RALGAPA2: variants seen among roughly 807,000 people sequenced by gnomAD.
The protein encoded by RALGAPA2 is ral GTPase-activating protein subunit alpha-2.
In RALGAPA2, 139 loss-of-function variants were observed where a neutral mutation model predicts 230.4. That is an observed-to-expected ratio of 0.60 (90% CI 0.53 to 0.69). The LOEUF is 0.69. RALGAPA2 is among the 30% of genes least tolerant of loss of function. RALGAPA2 has a pLI of 0.00. For missense variants in RALGAPA2, 2,163 were observed against 2,276.0 expected (o/e 0.95, Z 1.01); for synonymous variants, 847 against 837.8 (o/e 1.01, Z -0.19).
At chr20:20,503,265 C>T (rs892930040) in intron 35 of RALGAPA2, 86 bp downstream of exon 35, 41 of 1,208,608 alleles carry the variant, frequency 3.4e-5, no homozygotes, top group South Asian at 5.0e-5. Flanking sequence ...TCTCAGTGTG[C>T]GTTCTACCCT....
At chr20:20,662,706 G>A (rs2067823831) in intron 3 of RALGAPA2, among the ~76,000 whole-genome samples, 1 of 152,148 alleles carries the variant, frequency 6.6e-6, no homozygotes, top group South Asian at 2.1e-4. Flanking sequence ...GGTACCATGT[G>A]AGGGATCAGA....
At chr20:20,434,859 C>CT (rs774704017) in intron 37 of RALGAPA2, among the ~76,000 whole-genome samples, 4 of 152,140 alleles carry the variant, frequency 2.6e-5, no homozygotes, top group Non-Finnish European at 4.4e-5. Flanking sequence ...TCGCTTGAGC[C>CT]TGGGAGGTCA....
intron 20 of RALGAPA2, among the ~76,000 whole-genome samples, chr20:20,579,215 A>C (rs777744925): frequency 6.6e-6 from 1 of 152,218 alleles, no homozygotes; most frequent in Non-Finnish European, 1.5e-5. Context: ...TTTCTAAAAA[A>C]TTAAAATTTA....
intron 37 of RALGAPA2, among the ~76,000 whole-genome samples, chr20:20,450,047 CATT>C (rs1307933393): frequency 6.6e-6 from 1 of 152,152 alleles, no homozygotes; most frequent in African/African-American, 2.4e-5. Flanking sequence ...TTCTCTTTCT[CATT>C]ATACATGGCC....
chr20:20,598,200 A>G (rs2065520998), intron 16 of RALGAPA2, among the ~76,000 whole-genome samples: 2 of 152,250 alleles, frequency 1.3e-5, no homozygotes, highest in Admixed American at 1.3e-4. Context: ...AAATTTCAAT[A>G]GTATAAATCT....
chr20:20,611,280 C>G, intron 14 of RALGAPA2, 35 bp downstream of exon 14: 3 of 1,561,828 alleles, frequency 1.9e-6, no homozygotes, highest in Non-Finnish European at 2.6e-6. Flanking sequence ...TGATTCATTT[C>G]TTGCATTTGC....
chr20:20,550,552 C>T (rs1296009033), intron 23 of RALGAPA2, among the ~76,000 whole-genome samples: 2 of 152,190 alleles, frequency 1.3e-5, no homozygotes, highest in Non-Finnish European at 2.9e-5. Context: ...ATCCTTTCTA[C>T]TGTGTGATTC....
intron 37 of RALGAPA2, among the ~76,000 whole-genome samples, chr20:20,439,428 G>T (rs1372820950): frequency 6.6e-6 from 1 of 152,068 alleles, no homozygotes; most frequent in Non-Finnish European, 1.5e-5. Flanking sequence ...GCCCAGGCTG[G>T]TCTCGAACTC....
At chr20:20,531,577 C>G in intron 27 of RALGAPA2, 110 bp downstream of exon 27, 1 of 959,666 alleles carries the variant, frequency 1.0e-6, no homozygotes, top group Middle Eastern at 2.9e-4. Flanking sequence ...ATGGGAATCA[C>G]AATCCCTCTG....
chr20:20,539,580 GAATT>G lies in RALGAPA2; in HGVS notation c.3286-2800_3286-2797del, dbSNP rs377239311. Among the ~76,000 whole-genome samples the G allele has an allele frequency of 2.5e-4, 38 of 152,248 alleles. No homozygotes were observed. The South Asian group carries it at 3.9e-3, about 16-fold the overall frequency. ...TATAAAATGATTACCACAAACAAGT[GAATT>G]AATATATCACCTCATATAGTTCCTT... On this transcript the variant is annotated intron_variant, in intron 24 of 39. Transcript: ENST00000202677.
intron 13 of RALGAPA2, 95 bp from the exon 14 acceptor site, chr20:20,611,521 A>G: frequency 6.7e-7 from 1 of 1,494,096 alleles, no homozygotes; most frequent in Non-Finnish European, 8.9e-7. Flanking sequence ...ATTCAGCAAC[A>G]TTGATAATTA....
intron 3 of RALGAPA2, among the ~76,000 whole-genome samples, chr20:20,654,965 T>A (rs903848461): frequency 2.0e-5 from 3 of 152,242 alleles, no homozygotes; most frequent in Non-Finnish European, 4.4e-5. Flanking sequence ...CATCTCATTG[T>A]GATCTTAATT....
chr20:20,539,202 C>A (rs961929499), intron 24 of RALGAPA2, among the ~76,000 whole-genome samples: 1 of 152,038 alleles, frequency 6.6e-6, no homozygotes, highest in African/African-American at 2.4e-5. Flanking sequence ...CATCTTCCTC[C>A]CCCACTGCCT....
chr20:20,465,633 C>CT (rs1490677699), intron 37 of RALGAPA2, among the ~76,000 whole-genome samples: 1 of 152,178 alleles, frequency 6.6e-6, no homozygotes, highest in African/African-American at 2.4e-5. Context: ...AAGGGATGGT[C>CT]TTTTTTCTAA....
chr20:20,445,384 G>C (rs2060837996), intron 37 of RALGAPA2, among the ~76,000 whole-genome samples: 2 of 152,174 alleles, frequency 1.3e-5, no homozygotes, highest in African/African-American at 4.8e-5. Flanking sequence ...AAATATATTG[G>C]TCAGATGTTG....
chr20:20,662,009 T>C (rs1217186082), intron 3 of RALGAPA2, among the ~76,000 whole-genome samples: 2 of 152,194 alleles, frequency 1.3e-5, no homozygotes, highest in Non-Finnish European at 2.9e-5. Flanking sequence ...AAAAACACTT[T>C]TTAAATGGGG....
chr20:20,421,044 TGC>T (rs1351493613), intron 37 of RALGAPA2, among the ~76,000 whole-genome samples: 12 of 152,192 alleles, frequency 7.9e-5, no homozygotes, highest in Admixed American at 1.3e-4. Context: ...AGAAAACATC[TGC>T]AAACCATTTA....
intron 15 of RALGAPA2, among the ~76,000 whole-genome samples, chr20:20,603,186 G>T (rs1198736302): frequency 1.3e-5 from 2 of 152,076 alleles, no homozygotes; most frequent in African/African-American, 2.4e-5. Context: ...AAGAAAAACG[G>T]ATCTGTTAAA....
chr20:20,651,608 A>G (rs1017387608), intron 4 of RALGAPA2, among the ~76,000 whole-genome samples: 8 of 152,208 alleles, frequency 5.3e-5, no homozygotes, highest in African/African-American at 1.9e-4. Context: ...TTTATGTGGT[A>G]TTAGGCAGAA....
Sources: allele counts gnomAD v4.1 joint callset (sites outside exome capture counted in the v4.1 genomes callset), GRCh38; gene constraint gnomAD v4.1.1; transcripts MANE v1.5; gene names NCBI Gene and HGNC (gene_info 2026-07-23, HGNC 2026-07-21).